The following RHBDF2 variants were observed in gnomAD, a reference collection of about 807,000 sequenced individuals.
RHBDF2 encodes rhomboid 5 homolog 2, also known as inactive rhomboid protein 2.
Under a neutral mutation model 95.2 loss-of-function variants are expected in RHBDF2, and 38 were observed. The observed-to-expected ratio is 0.40, with a 90% CI of 0.31 to 0.52. The LOEUF (loss-of-function observed/expected upper bound fraction) is 0.52, where lower values mean the gene tolerates loss of function less well. Among genes scored for constraint, RHBDF2 ranks in the 20% least tolerant of loss-of-function variants. The pLI is 0.56. For synonymous variants in RHBDF2, 442 were observed against 462.0 expected (o/e 0.96, Z 0.55); for missense variants, 863 against 1,137.7 (o/e 0.76, Z 3.47).
intron 1 of RHBDF2, among the ~76,000 whole-genome samples, chr17:76,489,627 GTTTGTT>G (rs1179793646): frequency 6.6e-6 from 1 of 152,162 alleles, no homozygotes; most frequent in Non-Finnish European, 1.5e-5. Flanking sequence ...CCAGCCGCCT[GTTTGTT>G]TTTAAGAAGT....
chr17:76,485,824 A>G (rs1449197721), intron 2 of RHBDF2, among the ~76,000 whole-genome samples: 2 of 152,186 alleles, frequency 1.3e-5, no homozygotes, highest in Non-Finnish European at 2.9e-5. Flanking sequence ...AACGTGGACG[A>G]GCTTTGAGAA....
At chr17:76,494,347 C>T (rs530697845) in intron 1 of RHBDF2, among the ~76,000 whole-genome samples, 1 of 152,328 alleles carries the variant, frequency 6.6e-6, no homozygotes, top group Non-Finnish European at 1.5e-5. Flanking sequence ...GCTGGCAAGA[C>T]ACAGGGGTGG....
In RHBDF2 at chr17:76,477,209, A is replaced by G. The variant is rs770975346; in HGVS notation, c.891T>C (p.Pro297=). The G allele has an allele frequency of 2.1e-5, 34 of 1,610,416 alleles. No individual in the cohort carries two copies. Among genetic ancestry groups the G allele is most frequent in the African/African-American group, 1.5e-4 (11 of 74,694 alleles). ...YFRGIPHSAS[P]VSPDGVQIPL... Reference sequence around the variant, plus strand: ...GGATTTGCACCCCATCGGGGGAGACAGGGGAGGCTGAGTGTGGGATCCCTC... The same window carrying G: ...GGATTTGCACCCCATCGGGGGAGACGGGGGAGGCTGAGTGTGGGATCCCTC... The change falls in exon 8 of 19, where the codon CCT becomes CCC. Residue 297 remains proline, a synonymous_variant. Transcript: ENST00000675367.
chr17:76,479,860 G>T lies in RHBDF2; in HGVS notation c.151-6C>A. The T allele has an allele frequency of 6.2e-7, 1 of 1,611,990 alleles. No individual in the cohort carries two copies. Among genetic ancestry groups the T allele is most frequent in the Non-Finnish European group, 8.5e-7 (1 of 1,179,228 alleles). On this transcript the variant is annotated splice_region_variant and splice_polypyrimidine_tract_variant and intron_variant, in intron 3 of 18. Coordinates refer to ENST00000675367, the MANE Select transcript of RHBDF2 (RefSeq NM_001005498.4). ...AAGTAGGCTGGGTTCTTCCTCTTGGGGAGGAAGGAGGGAGGGCAGGCGGTG... is the reference window on the plus strand; with the variant it reads ...AAGTAGGCTGGGTTCTTCCTCTTGGTGAGGAAGGAGGGAGGGCAGGCGGTG...
At chr17:76,480,338 C>T (rs940739641) in intron 3 of RHBDF2, among the ~76,000 whole-genome samples, 3 of 151,750 alleles carry the variant, frequency 2.0e-5, no homozygotes, top group Admixed American at 6.6e-5. Flanking sequence ...CTGGCCGCCT[C>T]GGCCTCCCAA....
chr17:76,486,718 T>TATAAATAAATAAATAAATAA (rs374104312), intron 2 of RHBDF2, among the ~76,000 whole-genome samples: 8,272 of 146,148 alleles, frequency 0.057, 325 homozygotes, highest in Non-Finnish European at 0.081. Context: ...TGTCTCAAAA[T>TATAAATAAATAAATAAATAA]ATAAATAAAT....
intron 1 of RHBDF2, among the ~76,000 whole-genome samples, chr17:76,494,719 T>G (rs1048570973): frequency 2.0e-5 from 3 of 152,142 alleles, no homozygotes; most frequent in Non-Finnish European, 4.4e-5. Context: ...GCCACTGCAC[T>G]CCAGCCTGGG....
At chr17:76,490,380 C>T (rs1031565728) in intron 1 of RHBDF2, among the ~76,000 whole-genome samples, 11 of 152,140 alleles carry the variant, frequency 7.2e-5, no homozygotes, top group East Asian at 1.9e-4. Context: ...GCAGCCACAC[C>T]GGGACCCCAC....
At chr17:76,477,600 T>TCACCCAGCTCCCAGGCCACCC in intron 7 of RHBDF2, 57 bp downstream of exon 7, 3 of 1,577,720 alleles carry the variant, frequency 1.9e-6, no homozygotes, top group Non-Finnish European at 2.6e-6. Context: ...CAAGGTCACC[T>TCACCCAGCTCCCAGGCCACCC]CACCCAGCTC....
chr17:76,499,814 G>T (rs2074531475), intron 1 of RHBDF2, among the ~76,000 whole-genome samples: 1 of 151,992 alleles, frequency 6.6e-6, no homozygotes, highest in Admixed American at 6.6e-5. Flanking sequence ...CCCAGCCCAG[G>T]GATATTTGAG....
chr17:76,485,594 AAAC>A (rs1373246320), intron 2 of RHBDF2, among the ~76,000 whole-genome samples: 1 of 152,180 alleles, frequency 6.6e-6, no homozygotes, highest in Non-Finnish European at 1.5e-5. Context: ...ACTCCGTCTC[AAAC>A]AACAACAAAA....
intron 1 of RHBDF2, among the ~76,000 whole-genome samples, chr17:76,498,020 C>T (rs1304260929): frequency 2.0e-5 from 3 of 152,208 alleles, no homozygotes; most frequent in East Asian, 3.8e-4. Context: ...CCCAGCTGGG[C>T]GCCCGGATAC....
At chr17:76,498,848 G>C (rs899916565) in intron 1 of RHBDF2, among the ~76,000 whole-genome samples, 4 of 148,850 alleles carry the variant, frequency 2.7e-5, no homozygotes, top group African/African-American at 7.4e-5. Flanking sequence ...CTGTGTGTTT[G>C]TGTGTGTCTC....
rs141570104 is a variant in RHBDF2 at position 76,494,079 on chromosome 17, C to T, written c.-219-6170G>A. The stretch of plus-strand genomic sequence containing the variant: ...AAGCGGGTGCTGTGCTCCAGGGAGC[C>T]GCCAAGATCAGGGGTGTGAGGTGTG... On this transcript the variant is annotated intron_variant, in intron 1 of 18. Coordinates refer to ENST00000675367, the MANE Select transcript of RHBDF2 (RefSeq NM_001005498.4). Among the ~76,000 whole-genome samples the T allele has an allele frequency of 3.3e-3, 509 of 152,198 alleles. 2 individuals carry two copies. The highest frequency in any genetic ancestry group is 0.011 in the African/African-American group (469 of 41,516).
intron 3 of RHBDF2, among the ~76,000 whole-genome samples, chr17:76,480,100 G>T (rs201653484): frequency 0.29 from 7,644 of 26,334 alleles, 2,400 homozygotes; most frequent in Middle Eastern, 0.43. Flanking sequence ...TTTTTTTTTT[G>T]GAGATGGAAT....
chr17:76,485,767 T>C (rs1050716528), intron 2 of RHBDF2, among the ~76,000 whole-genome samples: 3 of 152,114 alleles, frequency 2.0e-5, no homozygotes, highest in Admixed American at 1.3e-4. Flanking sequence ...AGCCACACAA[T>C]GGAGCATCCT....
intron 3 of RHBDF2, 49 bp downstream of exon 3, chr17:76,481,326 C>T (rs1486663061): frequency 3.2e-6 from 5 of 1,568,804 alleles, no homozygotes; most frequent in South Asian, 1.1e-5. Context: ...CACGTGGGTA[C>T]ATCTGTTACC....
At chr17:76,488,913 A>G (rs1226264939) in intron 1 of RHBDF2, among the ~76,000 whole-genome samples, 3 of 151,998 alleles carry the variant, frequency 2.0e-5, no homozygotes, top group Non-Finnish European at 4.4e-5. Flanking sequence ...GCGCCATTGT[A>G]CTCCAGCCCA....
At position 76,473,076 on chromosome 17, in the gene RHBDF2, C is replaced by T. The variant is rs142867619; in HGVS notation, c.1839G>A (p.Leu613=). 1.2e-6 allele frequency: 2 copies of T among 1,613,950 alleles called. No homozygotes were observed. The highest frequency in any genetic ancestry group is 1.7e-6 in the Non-Finnish European group (2 of 1,179,960). Residue 613 remains leucine (L), a synonymous_variant, in exon 17 of 19, where the codon CTG becomes CTA. Coordinates refer to ENST00000675367, the MANE Select transcript of RHBDF2 (RefSeq NM_001005498.4). ...QVHCLDKVCG[L]LPFLNPEVPD... is the part of the protein sequence containing the mutation. ...GGACCTCAGGGTTGAGGAAGGGCAG[C>T]AGCCCACACACCTTGTCCAAGCAGT...
Sources: gnomAD v4.1 joint callset for allele counts (sites outside exome capture counted in the v4.1 genomes callset) on GRCh38, gnomAD v4.1.1 for gene constraint, MANE v1.5 for transcripts, NCBI Gene and HGNC (gene_info 2026-07-23, HGNC 2026-07-21) for gene names.